The following HIBCH variants were observed in gnomAD, a reference collection of about 807,000 sequenced individuals.
HIBCH encodes 3-hydroxyisobutyryl-CoA hydrolase, also known as 3-hydroxyisobutyryl-CoA hydrolase, mitochondrial.
In HIBCH, 50 loss-of-function variants were observed where a neutral mutation model predicts 58.2. The observed-to-expected ratio is 0.86, with a 90% confidence interval of 0.68 to 1.09. The LOEUF is 1.09. Among genes scored for constraint, HIBCH ranks in the 50% least tolerant of loss-of-function variants. The pLI is 0.00. For synonymous variants in HIBCH, 151 were observed against 146.9 expected (o/e 1.03, Z -0.20); for missense variants, 450 against 449.7 (o/e 1.00, Z -0.01).
At chr2:190,294,217 C>G (rs1688046421) in intron 4 of HIBCH, among the ~76,000 whole-genome samples, 1 of 151,604 alleles carries the variant, frequency 6.6e-6, no homozygotes, top group African/African-American at 2.4e-5. Flanking sequence ...ACCAACAGAA[C>G]TGCTTAATAT....
chr2:190,310,688 T>G (rs768618570), intron 2 of HIBCH, 66 bp downstream of exon 2: 33 of 1,281,816 alleles, frequency 2.6e-5, no homozygotes, highest in Non-Finnish European at 3.8e-5. Context: ...TTTCTCTACT[T>G]CTCTAACAAT....
At chr2:190,268,108 C>T (rs761670642) in intron 6 of HIBCH, among the ~76,000 whole-genome samples, 3 of 152,310 alleles carry the variant, frequency 2.0e-5, no homozygotes, top group South Asian at 2.1e-4. Flanking sequence ...ACAATAGATA[C>T]AGACTCACAG....
chr2:190,253,304 G>T (rs569570858), intron 7 of HIBCH, among the ~76,000 whole-genome samples: 1 of 152,254 alleles, frequency 6.6e-6, no homozygotes, highest in South Asian at 2.1e-4. Flanking sequence ...TATAATTTAT[G>T]TATCTGTTCT....
intron 7 of HIBCH, among the ~76,000 whole-genome samples, chr2:190,256,736 C>T (rs139441007): frequency 0.011 from 1,623 of 152,094 alleles, 20 homozygotes; most frequent in Non-Finnish European, 0.016. Flanking sequence ...ACAAACATAA[C>T]CTATATATTC....
rs887311562 is a variant in HIBCH, at chr2:190,204,181, T to C, written c.*936A>G. On this transcript the variant is annotated 3_prime_UTR_variant, in exon 14 of 14. Coordinates refer to ENST00000359678, the MANE Select transcript of HIBCH (RefSeq NM_014362.4). ...TAAAAAGTACTTACTTCATTAACAA[T>C]ATCAATTATTGAATATATCTTTTGA... 3 of 152,116 alleles carry C rather than the reference T, an allele frequency of 2.0e-5. No homozygotes were observed. Among genetic ancestry groups the C allele is most frequent in the African/African-American group, 7.2e-5 (3 of 41,460 alleles). The allele number at this position is 152,116 out of a possible 1,614,324, so 9.4% of individuals were successfully genotyped here. A position where few individuals can be genotyped will look rare whatever the true frequency, so the allele number is the denominator to read the frequency against.
chr2:190,229,657 T>C (rs1217673413), intron 11 of HIBCH, among the ~76,000 whole-genome samples: 1 of 152,220 alleles, frequency 6.6e-6, no homozygotes, highest in Non-Finnish European at 1.5e-5. Flanking sequence ...ACAGAAATAA[T>C]ATGAATTGCA....
rs998447268 is a variant in HIBCH, at chr2:190,304,852, C to T, written c.78+5902G>A. Among the ~76,000 whole-genome samples the T allele has an allele frequency of 2.6e-4, 40 of 152,172 alleles. No homozygotes were observed. The highest frequency in any genetic ancestry group is 9.4e-4 in the African/African-American group (39 of 41,526). ...TAAAACAAAGTATAAAGAACTAAAG[C>T]ATTTAGAGATAAAATAGGACGAATA... On this transcript the variant is annotated intron_variant, in intron 2 of 13. Coordinates refer to ENST00000359678, the MANE Select transcript of HIBCH (RefSeq NM_014362.4). This position sits in a 1 kb window ranked among gnomAD's most constrained non-coding sequence, Gnocchi z 4.1.
intron 5 of HIBCH, among the ~76,000 whole-genome samples, chr2:190,289,107 T>C (rs779778353): frequency 6.6e-6 from 1 of 152,146 alleles, no homozygotes; most frequent in Non-Finnish European, 1.5e-5. Context: ...CAAGACTCTC[T>C]CTTAAAAGAT....
chr2:190,300,710 G>A (rs112436872), intron 2 of HIBCH, among the ~76,000 whole-genome samples: 1,543 of 152,168 alleles, frequency 0.01, 33 homozygotes, highest in African/African-American at 0.035. Flanking sequence ...TGGCGTCTTC[G>A]TCATGAAATC....
At chr2:190,226,323 C>T (rs10169100) in intron 11 of HIBCH, among the ~76,000 whole-genome samples, 107 of 152,208 alleles carry the variant, frequency 7.0e-4, no homozygotes, top group African/African-American at 2.2e-3. Flanking sequence ...AGGCCAGGTG[C>T]GGTGGCTCAC....
chr2:190,201,339 GAGA>G (rs1012644501), downstream of HIBCH: 13 of 166,864 alleles, frequency 7.8e-5, no homozygotes, highest in South Asian at 2.1e-4. Flanking sequence ...ATTTGGGAGG[GAGA>G]AGAAGAAATT....
intron 11 of HIBCH, chr2:190,213,854 T>A (rs1253752639): frequency 6.6e-6 from 1 of 152,168 alleles, no homozygotes; most frequent in Non-Finnish European, 1.5e-5. Context: ...GGGAGGGACC[T>A]GTGCACTAGG....
At chr2:190,296,681 A>G in intron 3 of HIBCH, 132 bp downstream of exon 3, 1 of 858,752 alleles carries the variant, frequency 1.2e-6, no homozygotes, top group Non-Finnish European at 1.9e-6. Flanking sequence ...CTGAAACCTC[A>G]AGAATTGATG....
At chr2:190,314,340 T>C (rs1211142416) in intron 1 of HIBCH, among the ~76,000 whole-genome samples, 30 of 47,854 alleles carry the variant, frequency 6.3e-4, no homozygotes, top group African/African-American at 2.3e-3. Flanking sequence ...TATATATACA[T>C]ATATATGTGT....
At chr2:190,194,461 C>T (rs2105879953) in intron 1 of HIBCH, among the ~76,000 whole-genome samples, 1 of 147,408 alleles carries the variant, frequency 6.8e-6, no homozygotes, top group Non-Finnish European at 1.5e-5. Context: ...AGTAGTGTTC[C>T]CACGTATCCT....
chr2:190,280,725 T>C (rs1272357223), intron 6 of HIBCH, among the ~76,000 whole-genome samples: 1 of 152,106 alleles, frequency 6.6e-6, no homozygotes, highest in African/African-American at 2.4e-5. Flanking sequence ...ACTGCACATG[T>C]GGACAGCCCA....
chr2:190,319,797 C>T lies in HIBCH; in HGVS notation c.-47G>A. The T allele has an allele frequency of 1.3e-6, 2 of 1,594,608 alleles. No homozygotes were observed. Among genetic ancestry groups the T allele is most frequent in the Non-Finnish European group, 1.7e-6 (2 of 1,170,142 alleles). On this transcript the variant is annotated 5_prime_UTR_variant, in exon 1 of 14. Transcript: ENST00000359678. Reference sequence around the variant, plus strand: ...AGCAGCAGAGCGAGAATCTCCCGGACCGTTCCAGCGCCTCGCGTGAGCCCC... The same window carrying T: ...AGCAGCAGAGCGAGAATCTCCCGGATCGTTCCAGCGCCTCGCGTGAGCCCC...
rs1685593143 is a variant in HIBCH, at chr2:190,217,557, T to C, written c.892-4482A>G. 6.6e-6 allele frequency among the ~76,000 whole-genome samples: 1 copy of C among 152,184 alleles called. No individual in the cohort carries two copies. The highest frequency in any genetic ancestry group is 1.5e-5 in the Non-Finnish European group (1 of 68,030). The stretch of plus-strand genomic sequence containing the variant: ...ATTTAAGCAGGACTACTAACCTTTC[T>C]ACTATGAAAATCAAAGACCAATTTT... On this transcript the variant is annotated intron_variant, in intron 11 of 13. Coordinates refer to ENST00000359678, the MANE Select transcript of HIBCH (RefSeq NM_014362.4). The surrounding 1 kb of genome is among the most constrained non-coding windows in gnomAD (Gnocchi z 4.6).
At chr2:190,213,327 G>C in intron 11 of HIBCH, 1 of 446,206 alleles carries the variant, frequency 2.2e-6, no homozygotes, top group East Asian at 4.4e-5. Flanking sequence ...AGTTTGCTTA[G>C]CATAAATTAT....
Sources: allele counts gnomAD v4.1 joint callset (sites outside exome capture counted in the v4.1 genomes callset), GRCh38; gene constraint gnomAD v4.1.1; non-coding constraint Gnocchi (gnomAD v3.1); transcripts MANE v1.5; gene names NCBI Gene and HGNC (gene_info 2026-07-23, HGNC 2026-07-21).